The following INPP4A variants were observed in gnomAD, a reference collection of about 807,000 sequenced individuals.
The protein encoded by INPP4A is inositol polyphosphate-4-phosphatase, type I, 107kD.
In INPP4A, 33 loss-of-function variants were observed where a neutral mutation model predicts 119.8. The ratio of observed to expected loss-of-function variants is 0.28; its 90% CI spans 0.21 to 0.37. The LOEUF (loss-of-function observed/expected upper bound fraction) is 0.37, where lower values mean the gene tolerates loss of function less well. Among genes scored for constraint, INPP4A ranks in the 10% least tolerant of loss-of-function variants. INPP4A has a pLI of 1.00. For missense variants in INPP4A, 956 were observed against 1,289.9 expected (o/e 0.74, Z 3.97); for synonymous variants, 496 against 500.7 (o/e 0.99, Z 0.12).
intron 10 of INPP4A, among the ~76,000 whole-genome samples, chr2:98,540,351 T>A (rs1691181648): frequency 6.6e-6 from 1 of 152,222 alleles, no homozygotes; most frequent in Non-Finnish European, 1.5e-5. Context: ...AGATAAGGGC[T>A]CCAGAAGACT....
At chr2:98,541,358 A>G (rs1397244671) in intron 10 of INPP4A, among the ~76,000 whole-genome samples, 6 of 152,116 alleles carry the variant, frequency 3.9e-5, no homozygotes, top group Non-Finnish European at 5.9e-5. Flanking sequence ...GAAGAATGCA[A>G]TGAGCACCTA....
intron 23 of INPP4A, among the ~76,000 whole-genome samples, chr2:98,574,749 C>T (rs572414969): frequency 6.6e-6 from 1 of 152,208 alleles, no homozygotes; most frequent in East Asian, 1.9e-4. Context: ...AGGCAGTTTA[C>T]AGACGAGTAG....
At chr2:98,494,511 A>T (rs555256530) in intron 1 of INPP4A, among the ~76,000 whole-genome samples, 2 of 152,266 alleles carry the variant, frequency 1.3e-5, no homozygotes, top group East Asian at 3.9e-4. Flanking sequence ...AGTGACTCCA[A>T]CATTTTCCCA....
At chr2:98,455,195 A>T (rs1695911192) in intron 1 of INPP4A, among the ~76,000 whole-genome samples, 1 of 152,084 alleles carries the variant, frequency 6.6e-6, no homozygotes, top group African/African-American at 2.4e-5. Context: ...AAAATTAGCC[A>T]GGTATAGTAG....
At chr2:98,505,612 T>A (rs1683896236) in intron 1 of INPP4A, among the ~76,000 whole-genome samples, 1 of 152,154 alleles carries the variant, frequency 6.6e-6, no homozygotes, top group African/African-American at 2.4e-5. Flanking sequence ...GAGTAAAACC[T>A]GTTGGTAATA....
At chr2:98,537,712 T>G in intron 7 of INPP4A, 151 bp from the exon 8 acceptor site, 1 of 632,810 alleles carries the variant, frequency 1.6e-6, no homozygotes, top group East Asian at 2.8e-5. Context: ...AGAGGAGCCC[T>G]GTGTGCACAG....
intron 1 of INPP4A, among the ~76,000 whole-genome samples, chr2:98,491,171 C>T (rs1418507172): frequency 6.6e-6 from 1 of 152,218 alleles, no homozygotes; most frequent in Non-Finnish European, 1.5e-5. Flanking sequence ...GAGCTTTGTG[C>T]ACTTCCTTAG....
At chr2:98,573,232 T>TA (rs1697798577) in intron 23 of INPP4A, among the ~76,000 whole-genome samples, 1 of 152,244 alleles carries the variant, frequency 6.6e-6, no homozygotes, top group African/African-American at 2.4e-5. Context: ...AACCACTGTC[T>TA]ACTGCATCAT....
intron 1 of INPP4A, among the ~76,000 whole-genome samples, chr2:98,501,649 T>C (rs921304270): frequency 1.3e-5 from 2 of 152,100 alleles, no homozygotes; most frequent in African/African-American, 4.8e-5. Flanking sequence ...TAAACACCAT[T>C]GTTACCATTT....
Position 98,543,972 on chromosome 2 carries a change from A to G in INPP4A, c.914A>G (p.Tyr305Cys), listed in dbSNP as rs1454279840. 3 of 1,582,110 alleles carry G rather than the reference A, an allele frequency of 1.9e-6. No homozygotes were observed. The highest frequency in any genetic ancestry group is 2.6e-6 in the Non-Finnish European group (3 of 1,163,202). The change falls in exon 11 of 25, where the codon TAC (tyrosine) becomes TGC (cysteine). Residue 305 changes from tyrosine (Y) to cysteine (C), a missense_variant. Tyr to Cys is a radical substitution (Grantham distance 194, BLOSUM62 -2). Transcript: ENST00000409851. Reference protein sequence around the residue: ...VTQYQTIILTYQENLTDLHQY... With the variant: ...VTQYQTIILTCQENLTDLHQY... The stretch of plus-strand genomic sequence containing the variant: ...CAGTACCAGACCATCATCCTCACAT[A>G]CCAGGAGAACCTGACCGACCTCCAT...
chr2:98,467,674 C>T lies in INPP4A; in HGVS notation c.-166+22589C>T, dbSNP rs552954151. ...AGAGTTTTTGCATATACATCCCACA[C>T]ATACACTTGCATTTGATTTTCTTGT... On this transcript the variant is annotated intron_variant, in intron 1 of 24. Coordinates refer to ENST00000409851, the MANE Select transcript of INPP4A (RefSeq NM_001134225.2). 5.9e-5 allele frequency among the ~76,000 whole-genome samples: 9 copies of T among 152,296 alleles called. No individual in the cohort carries two copies. In the East Asian group the frequency reaches 1.7e-3, roughly 29 times the overall value.
chr2:98,591,145 G>C lies in INPP4A; in HGVS notation c.*3537G>C, dbSNP rs1700380697. On this transcript the variant is annotated 3_prime_UTR_variant, in exon 25 of 25. Transcript: ENST00000409851. ...ACATATACCTGTCTTTCATTTTGAT[G>C]CTTGTTCTGAAATGGAGTCCTGGCT... is the stretch of plus-strand genomic sequence containing the variant. 5.4e-6 allele frequency: 1 copy of C among 183,504 alleles called. No individual in the cohort carries two copies. The highest frequency in any genetic ancestry group is 2.0e-4 in the South Asian group (1 of 5,100). 11.4% of individuals were successfully genotyped at this position (183,504 alleles called of 1,614,324 possible). A position where few individuals can be genotyped will look rare whatever the true frequency, so the allele number is the denominator to read the frequency against.
intron 4 of INPP4A, among the ~76,000 whole-genome samples, chr2:98,524,149 T>C (rs2105795399): frequency 6.6e-6 from 1 of 152,344 alleles, no homozygotes; most frequent in East Asian, 1.9e-4. Flanking sequence ...ACAGTGAACG[T>C]ATTCATACAT....
At chr2:98,492,476 G>C (rs796106095) in intron 1 of INPP4A, among the ~76,000 whole-genome samples, 5 of 152,310 alleles carry the variant, frequency 3.3e-5, no homozygotes, top group African/African-American at 1.2e-4. Context: ...CTATTGATGT[G>C]CTACCCCTGG....
intron 1 of INPP4A, among the ~76,000 whole-genome samples, chr2:98,478,598 C>T (rs1292501873): frequency 6.6e-6 from 1 of 152,212 alleles, no homozygotes; most frequent in African/African-American, 2.4e-5. Context: ...TGCAACAAAT[C>T]ATGGTGATCT....
chr2:98,493,978 C>T (rs572829833), intron 1 of INPP4A, among the ~76,000 whole-genome samples: 21 of 152,122 alleles, frequency 1.4e-4, no homozygotes, highest in Non-Finnish European at 2.5e-4. Flanking sequence ...GGAAATTTGC[C>T]GTATATCCTA....
intron 1 of INPP4A, among the ~76,000 whole-genome samples, chr2:98,453,589 G>A (rs899273587): frequency 3.3e-5 from 5 of 152,170 alleles, no homozygotes; most frequent in Admixed American, 6.5e-5. Context: ...CGCTGGATGT[G>A]TATACACTTG....
At chr2:98,558,887 A>G (rs576736115) in intron 16 of INPP4A, among the ~76,000 whole-genome samples, 3 of 152,248 alleles carry the variant, frequency 2.0e-5, no homozygotes, top group African/African-American at 7.2e-5. Flanking sequence ...CCTAAATCAC[A>G]AAACTTAACA....
rs1485031461 is a variant in INPP4A, at chr2:98,588,610, TATTCTC to T, written c.*1008_*1013del. On this transcript the variant is annotated 3_prime_UTR_variant, in exon 25 of 25. Coordinates refer to ENST00000409851, the MANE Select transcript of INPP4A (RefSeq NM_001134225.2). ...AGGTTTGCAATAATTGTTACTTTCT[TATTCTC>T]ATTCTTATGTAAGATGACTATTGAG... The T allele has an allele frequency of 2.7e-5, 6 of 223,986 alleles. No homozygotes were observed. Among genetic ancestry groups the T allele is most frequent in the Admixed American group, 5.7e-5 (1 of 17,478 alleles). The allele number at this position is 223,986 out of a possible 1,614,324, so 13.9% of individuals were successfully genotyped here. A position where few individuals can be genotyped will look rare whatever the true frequency, so the allele number is the denominator to read the frequency against.
Sources: allele counts gnomAD v4.1 joint callset (sites outside exome capture counted in the v4.1 genomes callset), GRCh38; gene constraint gnomAD v4.1.1; transcripts MANE v1.5; gene names NCBI Gene and HGNC (gene_info 2026-07-23, HGNC 2026-07-21).